NTN1: variants seen among roughly 807,000 people sequenced by gnomAD.
NTN1 encodes the protein netrin-1.
NTN1 carries 11 observed loss-of-function variants against 54.2 expected under a neutral mutation model. The observed-to-expected ratio is 0.20, with a 90% CI of 0.13 to 0.34. NTN1 has a LOEUF of 0.34. NTN1 is among the 10% of genes least tolerant of loss of function. The probability of loss-of-function intolerance (pLI) is 1.00; values close to 1 mark genes in which losing one functional copy is unlikely to be tolerated. For missense variants in NTN1, 740 were observed against 893.1 expected (o/e 0.83, Z 2.18); for synonymous variants, 371 against 382.0 (o/e 0.97, Z 0.33).
At chr17:9,191,927 A>G (rs187126539) in intron 5 of NTN1, among the ~76,000 whole-genome samples, 146 of 151,128 alleles carry the variant, frequency 9.7e-4, no homozygotes, top group African/African-American at 3.4e-3. Flanking sequence ...AGTCCCAGCT[A>G]TCACGCCACT....
intron 2 of NTN1, among the ~76,000 whole-genome samples, chr17:9,147,010 G>A (rs2092315540): frequency 6.6e-6 from 1 of 152,116 alleles, no homozygotes; most frequent in Non-Finnish European, 1.5e-5. Flanking sequence ...ACCCCCAAAG[G>A]CCTGTTCAGA....
At chr17:9,081,256 C>T (rs758409785) in intron 2 of NTN1, among the ~76,000 whole-genome samples, 11 of 152,238 alleles carry the variant, frequency 7.2e-5, no homozygotes, top group Admixed American at 5.2e-4. Context: ...TTCTTGGTGA[C>T]CAGAGGTATT....
rs1905143828 is a variant in NTN1, at chr17:9,212,976, C to G, written c.1412-8192C>G. Among the ~76,000 whole-genome samples the G allele has an allele frequency of 6.6e-6, 1 of 152,210 alleles. No homozygotes were observed. ...AGGCCGGCTCAGCAGGATTTTGGCACCTGGGGCACAGGAGGCAGACCAGAG... is the reference window on the plus strand; with the variant it reads ...AGGCCGGCTCAGCAGGATTTTGGCAGCTGGGGCACAGGAGGCAGACCAGAG... On this transcript the variant is annotated intron_variant, in intron 5 of 6. Transcript: ENST00000173229. The surrounding 1 kb of genome is among the most constrained non-coding windows in gnomAD (Gnocchi z 5.5).
chr17:9,145,046 C>G (rs367626828), intron 2 of NTN1, among the ~76,000 whole-genome samples: 2 of 152,330 alleles, frequency 1.3e-5, no homozygotes, highest in South Asian at 2.1e-4. Flanking sequence ...TGCGCCACCC[C>G]CCGAGGCTGG....
chr17:9,049,325 A>C (rs559155145), intron 2 of NTN1, among the ~76,000 whole-genome samples: 1 of 152,238 alleles, frequency 6.6e-6, no homozygotes, highest in Non-Finnish European at 1.5e-5. Flanking sequence ...AATAACTTAC[A>C]GTGAAGAAAC....
At position 9,046,119 on chromosome 17, in the gene NTN1, TG is replaced by T. The variant is rs1245578228; in HGVS notation, c.1018+22733del. 3.3e-5 allele frequency among the ~76,000 whole-genome samples: 5 copies of T among 152,168 alleles called. No homozygotes were observed. The East Asian group carries it at 9.6e-4, about 29-fold the overall frequency. On this transcript the variant is annotated intron_variant, in intron 2 of 6. Transcript: ENST00000173229. Reference sequence around the variant, plus strand: ...GAAAATGAAAAGACAACCCATGGGATGGGGGAAAATATTTGTAAATCACGTG... The same window carrying T: ...GAAAATGAAAAGACAACCCATGGGATGGGGAAAATATTTGTAAATCACGTG...
intron 3 of NTN1, chr17:9,177,664 C>G (rs571643115): frequency 6.6e-6 from 1 of 152,262 alleles, no homozygotes. Context: ...CCTTTGCATT[C>G]GCACGGCCGA....
chr17:9,225,915 AC>A lies in NTN1; in HGVS notation c.1486+4678del, dbSNP rs1390559260. Among the ~76,000 whole-genome samples the A allele has an allele frequency of 8.5e-5, 13 of 152,160 alleles. No individual in the cohort carries two copies. In the East Asian group the frequency reaches 2.5e-3, roughly 29 times the overall value. On this transcript the variant is annotated intron_variant, in intron 6 of 6. Coordinates refer to ENST00000173229, the MANE Select transcript of NTN1 (RefSeq NM_004822.3). ...CAGGCCCGGCTGCCAGCAGCCCCGG[AC>A]CCCCTTCCTCCTCCAGGCCTCGCAG...
upstream of NTN1, among the ~76,000 whole-genome samples, chr17:9,017,142 A>G (rs189151927): frequency 8.5e-5 from 13 of 152,268 alleles, no homozygotes; most frequent in African/African-American, 2.9e-4. Context: ...ACATTTAGGC[A>G]TGGTCAAATA....
intron 5 of NTN1, among the ~76,000 whole-genome samples, chr17:9,217,149 C>T (rs1402668603): frequency 2.0e-5 from 3 of 152,160 alleles, no homozygotes; most frequent in Non-Finnish European, 4.4e-5. Context: ...GGATCGTCCC[C>T]ACTGCCCCCA....
the NTN1 span, among the ~76,000 whole-genome samples, chr17:9,013,426 G>A: frequency 6.6e-6 from 1 of 152,110 alleles, no homozygotes; most frequent in African/African-American, 2.4e-5. Flanking sequence ...ATGTTGGTCA[G>A]GCTGGTCTTG....
intron 5 of NTN1, among the ~76,000 whole-genome samples, chr17:9,187,654 CAA>C (rs763852001): frequency 6.4e-4 from 34 of 52,920 alleles, no homozygotes; most frequent in Middle Eastern, 0.032. Context: ...CTCATCTCTC[CAA>C]AAAAAAAAAA....
chr17:9,133,899 CTTTTTTTTTTT>C (rs71361867), intron 2 of NTN1, among the ~76,000 whole-genome samples: 1 of 85,444 alleles, frequency 1.2e-5, no homozygotes, highest in Non-Finnish European at 2.2e-5. Flanking sequence ...TGGGCCTAGC[CTTTTTTTTTTT>C]TTTTTTTTTT....
intron 2 of NTN1, among the ~76,000 whole-genome samples, chr17:9,081,428 T>TC (rs1241819242): frequency 6.6e-6 from 1 of 152,208 alleles, no homozygotes; most frequent in Non-Finnish European, 1.5e-5. Flanking sequence ...TTGTTGATTT[T>TC]CCCCATGTGA....
chr17:9,107,313 CTG>C (rs776347384), intron 2 of NTN1, among the ~76,000 whole-genome samples: 5 of 152,186 alleles, frequency 3.3e-5, no homozygotes, highest in African/African-American at 9.6e-5. Context: ...TAATTAAAGA[CTG>C]AAATGGAAAT....
intron 3 of NTN1, chr17:9,171,077 C>T (rs534382685): frequency 1.3e-5 from 2 of 152,318 alleles, no homozygotes; most frequent in African/African-American, 4.8e-5. Context: ...ATAGGTTGTG[C>T]AACTTGAAAC....
At chr17:9,005,953 C>A in the NTN1 span, among the ~76,000 whole-genome samples, 1 of 152,220 alleles carries the variant, frequency 6.6e-6, no homozygotes, top group Non-Finnish European at 1.5e-5. Context: ...GCCCAGAGGC[C>A]CCCCTTGGCA....
chr17:9,116,104 C>T (rs902105418), intron 2 of NTN1, among the ~76,000 whole-genome samples: 1 of 152,230 alleles, frequency 6.6e-6, no homozygotes, highest in African/African-American at 2.4e-5. Context: ...AACACATTGC[C>T]TCTTGGTCCT....
chr17:9,053,475 G>C (rs549123514), intron 2 of NTN1, among the ~76,000 whole-genome samples: 1 of 152,332 alleles, frequency 6.6e-6, no homozygotes, highest in Admixed American at 6.5e-5. Flanking sequence ...ACAAATTTAA[G>C]TCCTGCAGCA....
Sources: gnomAD v4.1 joint callset for allele counts (sites outside exome capture counted in the v4.1 genomes callset) on GRCh38, gnomAD v4.1.1 for gene constraint, Gnocchi (gnomAD v3.1) non-coding constraint, MANE v1.5 for transcripts, NCBI Gene and HGNC (gene_info 2026-07-23, HGNC 2026-07-21) for gene names.